ARHGAP24: variants seen among roughly 807,000 people sequenced by gnomAD.
ARHGAP24 encodes the protein Rho GTPase activating protein 24.
In ARHGAP24, 50 loss-of-function variants were observed where a neutral mutation model predicts 76.4. That is an observed-to-expected ratio of 0.65 (90% CI 0.52 to 0.83). The LOEUF is 0.83. Ranked by LOEUF, ARHGAP24 falls within the 40% of genes least tolerant of loss-of-function variation. The probability of loss-of-function intolerance (pLI) is 0.00; values close to 1 mark genes in which losing one functional copy is unlikely to be tolerated. For synonymous variants in ARHGAP24, 345 were observed against 323.3 expected (o/e 1.07, Z -0.72); for missense variants, 930 against 914.2 (o/e 1.02, Z -0.22).
chr4:85,682,790 T>C (rs1331010293), intron 2 of ARHGAP24, among the ~76,000 whole-genome samples: 1 of 152,170 alleles, frequency 6.6e-6, no homozygotes, highest in Non-Finnish European at 1.5e-5. Context: ...TTAAGAGTAT[T>C]GGACTCTCTG....
intron 2 of ARHGAP24, among the ~76,000 whole-genome samples, chr4:85,705,360 G>T (rs1168089743): frequency 6.6e-6 from 1 of 152,020 alleles, no homozygotes; most frequent in South Asian, 2.1e-4. Flanking sequence ...GAATATACAT[G>T]TACAAATAAG....
At chr4:85,991,266 A>C (rs1740303672) in intron 8 of ARHGAP24, 1 of 152,146 alleles carries the variant, frequency 6.6e-6, no homozygotes, top group African/African-American at 2.4e-5. Context: ...TAGAAATACA[A>C]AATGTTAGGG....
intron 2 of ARHGAP24, among the ~76,000 whole-genome samples, chr4:85,701,873 A>G (rs982956355): frequency 6.6e-6 from 1 of 152,114 alleles, no homozygotes; most frequent in African/African-American, 2.4e-5. Flanking sequence ...GATTTAATAA[A>G]AATTCTTTTT....
At chr4:85,654,079 A>G (rs1377449784) in intron 2 of ARHGAP24, among the ~76,000 whole-genome samples, 2 of 152,170 alleles carry the variant, frequency 1.3e-5, no homozygotes, top group Non-Finnish European at 2.9e-5. Context: ...TTAGTCTCCT[A>G]TAACTGCCAT....
At chr4:85,586,582 A>G (rs751229921) in intron 2 of ARHGAP24, among the ~76,000 whole-genome samples, 8 of 152,176 alleles carry the variant, frequency 5.3e-5, no homozygotes, top group Non-Finnish European at 1.2e-4. Flanking sequence ...TATAATTCGT[A>G]TAAGGGATTC....
At chr4:85,992,565 T>C (rs1174524104) in intron 8 of ARHGAP24, among the ~76,000 whole-genome samples, 1 of 152,122 alleles carries the variant, frequency 6.6e-6, no homozygotes, top group Non-Finnish European at 1.5e-5. Flanking sequence ...TTTCCCAAAA[T>C]ACTAGACAGT....
intron 2 of ARHGAP24, among the ~76,000 whole-genome samples, chr4:85,664,250 G>A (rs1053264041): frequency 1.3e-5 from 2 of 151,186 alleles, no homozygotes; most frequent in Non-Finnish European, 2.9e-5. Flanking sequence ...GAGAGTGTAT[G>A]TGTCGAGGAA....
chr4:85,498,400 C>A (rs1723667144), intron 1 of ARHGAP24, among the ~76,000 whole-genome samples: 1 of 152,212 alleles, frequency 6.6e-6, no homozygotes, highest in African/African-American at 2.4e-5. Context: ...GTGTTGCTAT[C>A]TTCTCTGTGA....
intron 2 of ARHGAP24, among the ~76,000 whole-genome samples, chr4:85,666,937 G>T (rs1425229835): frequency 6.6e-6 from 1 of 152,170 alleles, no homozygotes; most frequent in Non-Finnish European, 1.5e-5. Context: ...GGCTCCTCAG[G>T]GGTCATGGGT....
chr4:85,559,122 G>A (rs1177182028), intron 1 of ARHGAP24, among the ~76,000 whole-genome samples: 1 of 152,158 alleles, frequency 6.6e-6, no homozygotes, highest in African/African-American at 2.4e-5. Context: ...CTTTCTCAGT[G>A]TCATACGGGC....
rs35261368 is a variant in ARHGAP24, at chr4:85,813,818, T to TTATATATATA, written c.268+91862_268+91871dup. Among the ~76,000 whole-genome samples, 543 of 137,114 alleles carry TTATATATATA rather than the reference T, an allele frequency of 4.0e-3. 2 individuals carry two copies. Among genetic ancestry groups the TTATATATATA allele is most frequent in the African/African-American group, 0.011 (388 of 36,138 alleles). 90.0% of individuals were successfully genotyped at this position (137,114 alleles called of 152,430 possible). A position where few individuals can be genotyped will look rare whatever the true frequency, so the allele number is the denominator to read the frequency against. On this transcript the variant is annotated intron_variant, in intron 3 of 9. Coordinates refer to ENST00000395184, the MANE Select transcript of ARHGAP24 (RefSeq NM_001025616.3). ...TTATATAAATATATATATATTTATT[T>TTATATATATA]TATATATATATATATATATATATAT...
chr4:85,974,888 G>C lies in ARHGAP24; in HGVS notation c.733G>C (p.Gly245Arg), dbSNP rs138568771. 1 of 1,613,288 alleles carries C rather than the reference G, an allele frequency of 6.2e-7. No individual in the cohort carries two copies. Among genetic ancestry groups the C allele is most frequent in the Non-Finnish European group, 8.5e-7 (1 of 1,179,522 alleles). Residue 245 changes from glycine (G) to arginine (R), a missense_variant and splice_region_variant, in exon 7 of 10, where the codon GGT becomes CGT. Physicochemically the swap from Gly to Arg is moderately radical, Grantham distance 125. Coordinates refer to ENST00000395184, the MANE Select transcript of ARHGAP24 (RefSeq NM_001025616.3). Reference protein sequence around the residue: ...AKLLSKEEEAGVKELAKQVKS... With the variant: ...AKLLSKEEEARVKELAKQVKS... ...TATTTATTTTCTTCTTTGTACTCAGGGTGTTAAGGAATTAGCAAAGCAGGT... is the reference window on the plus strand; with the variant it reads ...TATTTATTTTCTTCTTTGTACTCAGCGTGTTAAGGAATTAGCAAAGCAGGT...
chr4:85,804,718 C>T (rs1018382316), intron 3 of ARHGAP24, among the ~76,000 whole-genome samples: 2 of 152,250 alleles, frequency 1.3e-5, no homozygotes, highest in South Asian at 4.1e-4. Context: ...TTATATTTTT[C>T]AAAATATTTT....
intron 3 of ARHGAP24, among the ~76,000 whole-genome samples, chr4:85,747,069 G>A (rs1315403957): frequency 6.6e-6 from 1 of 152,140 alleles, no homozygotes; most frequent in East Asian, 1.9e-4. Flanking sequence ...TATGAGAGTA[G>A]CTGCTTCTTT....
intron 5 of ARHGAP24, among the ~76,000 whole-genome samples, chr4:85,945,862 A>T (rs559002798): frequency 1.3e-5 from 2 of 152,220 alleles, no homozygotes; most frequent in Non-Finnish European, 2.9e-5. Context: ...TTTCCTTTAT[A>T]AAGTAAAAAA....
chr4:85,992,240 G>T, intron 8 of ARHGAP24: 1 of 396,506 alleles, frequency 2.5e-6, no homozygotes, highest in South Asian at 1.3e-4. Flanking sequence ...CATTACTGCC[G>T]AGCTAGTCTG....
chr4:85,725,152 A>G (rs909111106), intron 3 of ARHGAP24, among the ~76,000 whole-genome samples: 4 of 152,338 alleles, frequency 2.6e-5, no homozygotes, highest in Admixed American at 6.5e-5. Flanking sequence ...AGAAAAAAAT[A>G]AAATGACAAA....
At chr4:85,812,297 G>C (rs900012382) in intron 3 of ARHGAP24, among the ~76,000 whole-genome samples, 2 of 152,102 alleles carry the variant, frequency 1.3e-5, no homozygotes, top group Non-Finnish European at 1.5e-5. Context: ...TTCATAGCAT[G>C]ATTACTTGAT....
At chr4:85,800,745 A>G (rs1728546344) in intron 3 of ARHGAP24, among the ~76,000 whole-genome samples, 1 of 152,262 alleles carries the variant, frequency 6.6e-6, no homozygotes, top group South Asian at 2.1e-4. Context: ...AACAATGCTT[A>G]TAACCATGTG....
Sources: allele counts gnomAD v4.1 joint callset (sites outside exome capture counted in the v4.1 genomes callset), GRCh38; gene constraint gnomAD v4.1.1; transcripts MANE v1.5; gene names NCBI Gene and HGNC (gene_info 2026-07-23, HGNC 2026-07-21).